Variants in STK31 observed in about 807,000 individuals in gnomAD.
The protein encoded by STK31 is serine/threonine-protein kinase 31.
Under a neutral mutation model 129.7 loss-of-function variants are expected in STK31, and 89 were observed. The ratio of observed to expected loss-of-function variants is 0.69; its 90% confidence interval spans 0.58 to 0.82. The LOEUF (loss-of-function observed/expected upper bound fraction) is 0.82. Ranked by LOEUF, STK31 falls within the 40% of genes least tolerant of loss-of-function variation. STK31 has a pLI of 0.00. For missense variants in STK31, 1,187 were observed against 1,176.4 expected (o/e 1.01, Z -0.13); for synonymous variants, 448 against 395.3 (o/e 1.13, Z -1.58).
Position 23,769,692 on chromosome 7 carries a change from A to C in STK31, c.1649A>C (p.Asn550Thr), listed in dbSNP as rs528010902. ...CTGATTTCAGAAGACGCAATGGATA[A>C]TATTGATGAAATCCTAGAGAAGACT... ...GSLISEDAMD[N>T]IDEILEKTES... Residue 550 changes from asparagine (N) to threonine (T), a missense_variant, in exon 13 of 24, where the codon AAT becomes ACT. Coordinates refer to ENST00000355870, the MANE Select transcript of STK31 (RefSeq NM_031414.5). The C allele has an allele frequency of 1.6e-5, 25 of 1,612,180 alleles. No homozygotes were observed. In the African/African-American group the frequency reaches 2.5e-4, roughly 16 times the overall value.
At chr7:23,822,724 G>A (rs1043036884) in intron 23 of STK31, among the ~76,000 whole-genome samples, 9 of 152,072 alleles carry the variant, frequency 5.9e-5, no homozygotes, top group Non-Finnish European at 1.2e-4. Flanking sequence ...TTTAGCATTA[G>A]GTGTATCTCC....
In STK31 at chr7:23,832,457, A is replaced by G. The variant is rs1446001982; in HGVS notation, c.*91A>G. On this transcript the variant is annotated 3_prime_UTR_variant, in exon 24 of 24. Coordinates refer to ENST00000355870, the MANE Select transcript of STK31 (RefSeq NM_031414.5). ...TCTAGAAATGTTCTGGGACTAGTTGAGTTGTATCTTTAGTATTCAGGTTGT... is the reference window on the plus strand; with the variant it reads ...TCTAGAAATGTTCTGGGACTAGTTGGGTTGTATCTTTAGTATTCAGGTTGT... 1 of 909,292 alleles carries G rather than the reference A, an allele frequency of 1.1e-6. No individual in the cohort carries two copies. Among genetic ancestry groups the G allele is most frequent in the African/African-American group, 1.7e-5 (1 of 59,862 alleles). The allele number at this position is 909,292 out of a possible 1,614,324, so 56.3% of individuals were successfully genotyped here.
At chr7:23,711,154 C>T (rs1403315964) in intron 1 of STK31, among the ~76,000 whole-genome samples, 1 of 152,082 alleles carries the variant, frequency 6.6e-6, no homozygotes, top group African/African-American at 2.4e-5. Flanking sequence ...TTTTAAAGCT[C>T]TTAAAAAATT....
intron 22 of STK31, among the ~76,000 whole-genome samples, chr7:23,810,712 AATAG>A (rs1162132517): frequency 7.5e-5 from 5 of 66,322 alleles, no homozygotes; most frequent in Non-Finnish European, 1.1e-4. Flanking sequence ...ATATATATAA[AATAG>A]ATATATATAA....
In STK31 at chr7:23,785,496, A is replaced by C; in HGVS notation, c.2167A>C (p.Thr723Pro). ...LKYMNSGGLL[T>P]MSLERDLLDA... The stretch of plus-strand genomic sequence containing the variant: ...TGCCTAGAACTCTGGTGGTCTCCTT[A>C]CAATGAGCTTGGAACGAGATCTTCT... The change falls in exon 18 of 24, where the codon ACA (threonine) becomes CCA (proline). Residue 723 changes from threonine (T) to proline (P), a missense_variant. Thr to Pro is a conservative substitution (Grantham distance 38). Transcript: ENST00000355870. 6.2e-7 allele frequency: 1 copy of C among 1,613,920 alleles called. No individual in the cohort carries two copies.
At chr7:23,796,769 C>G (rs984201937) in intron 22 of STK31, among the ~76,000 whole-genome samples, 1 of 152,090 alleles carries the variant, frequency 6.6e-6, no homozygotes, top group Non-Finnish European at 1.5e-5. Context: ...CAATATGAAC[C>G]TTAAATGTAA....
intron 22 of STK31, among the ~76,000 whole-genome samples, chr7:23,792,574 G>T (rs761099542): frequency 9.2e-5 from 14 of 152,108 alleles, no homozygotes; most frequent in Non-Finnish European, 1.8e-4. Flanking sequence ...AAAATTGCTG[G>T]TAGATTTTGC....
intron 15 of STK31, among the ~76,000 whole-genome samples, chr7:23,773,955 C>CG (rs1790368385): frequency 6.6e-6 from 1 of 151,746 alleles, no homozygotes. Flanking sequence ...CAACAGACCC[C>CG]GGGGTGTGAT....
Position 23,822,566 on chromosome 7 carries a change from C to T in STK31, c.2829+7354C>T, listed in dbSNP as rs539412496. Among the ~76,000 whole-genome samples the T allele has an allele frequency of 3.1e-3, 472 of 152,136 alleles. 3 individuals carry two copies. Among genetic ancestry groups the T allele is most frequent in the African/African-American group, 0.011 (436 of 41,512 alleles). On this transcript the variant is annotated intron_variant, in intron 23 of 23. Transcript: ENST00000355870. ...GGTTTTTCTAGATAGAAGATTATGTCATCTGCAAAGAGGGACAGTTTGACT... is the reference window on the plus strand; with the variant it reads ...GGTTTTTCTAGATAGAAGATTATGTTATCTGCAAAGAGGGACAGTTTGACT...
chr7:23,747,002 A>T (rs999196843), intron 8 of STK31, among the ~76,000 whole-genome samples: 6 of 152,160 alleles, frequency 3.9e-5, no homozygotes, highest in Non-Finnish European at 5.9e-5. Flanking sequence ...TTGTAAGTGG[A>T]TCTGTGCAGT....
At chr7:23,824,127 C>T (rs1351567213) in intron 23 of STK31, among the ~76,000 whole-genome samples, 1 of 152,134 alleles carries the variant, frequency 6.6e-6, no homozygotes. Flanking sequence ...TTTTCCAATT[C>T]TGTGAAGAAA....
intron 6 of STK31, among the ~76,000 whole-genome samples, chr7:23,735,094 T>C (rs1787639736): frequency 6.6e-6 from 1 of 152,234 alleles, no homozygotes; most frequent in Non-Finnish European, 1.5e-5. Context: ...TTGCTTCTGC[T>C]CGTCTTACTT....
At chr7:23,792,357 C>A (rs1480780110) in intron 22 of STK31, among the ~76,000 whole-genome samples, 2 of 152,054 alleles carry the variant, frequency 1.3e-5, no homozygotes, top group Non-Finnish European at 2.9e-5. Context: ...ATTTAAAAAT[C>A]ATTTACAAAA....
At chr7:23,780,966 A>G (rs1790887689) in intron 15 of STK31, among the ~76,000 whole-genome samples, 1 of 152,312 alleles carries the variant, frequency 6.6e-6, no homozygotes, top group East Asian at 1.9e-4. Context: ...AAAAGCATAC[A>G]TACTTTTTAA....
chr7:23,817,111 C>T (rs932554472), intron 23 of STK31, among the ~76,000 whole-genome samples: 4 of 152,060 alleles, frequency 2.6e-5, no homozygotes, highest in African/African-American at 7.2e-5. Flanking sequence ...TCACTTGAAC[C>T]TGGGAGGCAG....
chr7:23,806,398 G>C (rs1792704375), intron 22 of STK31, among the ~76,000 whole-genome samples: 1 of 152,124 alleles, frequency 6.6e-6, no homozygotes, highest in African/African-American at 2.4e-5. Context: ...CCTTTCTTGA[G>C]GACCAGCTCA....
intron 22 of STK31, among the ~76,000 whole-genome samples, chr7:23,814,607 G>C (rs1427679140): frequency 6.6e-6 from 1 of 152,116 alleles, no homozygotes; most frequent in Non-Finnish European, 1.5e-5. Flanking sequence ...CATAGGGTAA[G>C]AGTGGTCATT....
chr7:23,762,903 A>G lies in STK31; in HGVS notation c.1396A>G (p.Lys466Glu). The change falls in exon 11 of 24, where the codon AAA (lysine) becomes GAA (glutamate). Residue 466 changes from lysine (K) to glutamate (E), a missense_variant. Lys to Glu is a moderately conservative substitution (Grantham distance 56). This residue lies in a region of STK31 where 975 missense variants were observed against 934.9 expected (regional missense o/e 1.04). Transcript: ENST00000355870. ...ILEVDESSLN[K>E]RLKTLQDLSV... The stretch of plus-strand genomic sequence containing the variant: ...GGAAGTTGATGAGTCATCTCTTAAT[A>G]AACGCTTAAAAACATTGCAGGTTGG... The G allele has an allele frequency of 6.3e-7, 1 of 1,583,030 alleles. No homozygotes were observed. Among genetic ancestry groups the G allele is most frequent in the Non-Finnish European group, 8.6e-7 (1 of 1,168,902 alleles).
At chr7:23,740,802 A>G (rs1027839696) in intron 8 of STK31, among the ~76,000 whole-genome samples, 4 of 151,978 alleles carry the variant, frequency 2.6e-5, no homozygotes, top group African/African-American at 4.8e-5. Context: ...AGCTTCATCC[A>G]TGTCCCTACA....
Sources: gnomAD v4.1 joint callset for allele counts (sites outside exome capture counted in the v4.1 genomes callset) on GRCh38, gnomAD v4.1.1 for gene constraint, gnomAD v4.1.1 regional missense constraint, MANE v1.5 for transcripts, NCBI Gene and HGNC (gene_info 2026-07-23, HGNC 2026-07-21) for gene names.